The following IQGAP1 variants were observed in gnomAD, a reference collection of about 807,000 sequenced individuals.
IQGAP1 encodes the protein IQ motif containing GTPase activating protein 1.
Under a neutral mutation model 215.6 loss-of-function variants are expected in IQGAP1, and 66 were observed. The observed-to-expected ratio is 0.31, with a 90% CI of 0.25 to 0.38. The LOEUF is 0.38. IQGAP1 is among the 10% of genes least tolerant of loss of function. The pLI, the probability that IQGAP1 is intolerant of heterozygous loss-of-function variation, is 1.00. For synonymous variants in IQGAP1, 772 were observed against 728.7 expected, an observed-to-expected ratio of 1.06 and a Z score of -0.96; for missense variants, 1,712 against 1,997.1, an observed-to-expected ratio of 0.86 and a Z score of 2.72.
rs1325909392 is a variant in IQGAP1, at chr15:90,467,483, T to C, written c.2069T>C (p.Val690Ala). The change falls in exon 18 of 38, where the codon GTA becomes GCA. Residue 690 changes from valine to alanine, a missense_variant. By Grantham distance (64) the Val-to-Ala change is moderately conservative (BLOSUM62 0). Around this residue, in one of 2 missense-constraint regions of IQGAP1, gnomAD observed 1,021 missense variants for 1,074.2 expected, o/e 0.95. Coordinates refer to ENST00000268182, the MANE Select transcript of IQGAP1 (RefSeq NM_003870.4). Reference protein sequence around the residue: ...DNNSKWVKHWVKGGYYYYHNL... With the variant: ...DNNSKWVKHWAKGGYYYYHNL... The stretch of plus-strand genomic sequence containing the variant: ...AACAGCAAGTGGGTGAAGCACTGGG[T>C]AAAAGGTGGATATTATTATTACCAC... The C allele has an allele frequency of 1.2e-6, 2 of 1,612,762 alleles. No homozygotes were observed. The highest frequency in any genetic ancestry group is 2.2e-5 in the South Asian group (2 of 90,844).
intron 26 of IQGAP1, among the ~76,000 whole-genome samples, chr15:90,480,645 G>T (rs1400727328): frequency 1.3e-5 from 2 of 152,074 alleles, no homozygotes; most frequent in Non-Finnish European, 2.9e-5. Flanking sequence ...ATGAAGAGGG[G>T]TATCCCTATC....
chr15:90,394,805 T>TCTC (rs10646600), intron 2 of IQGAP1, among the ~76,000 whole-genome samples: 85,989 of 151,758 alleles, frequency 0.57, 25,854 homozygotes, highest in East Asian at 0.82. Context: ...TACCTCTACT[T>TCTC]CTACTAAAAG....
At chr15:90,456,599 G>T (rs1206064436) in intron 15 of IQGAP1, among the ~76,000 whole-genome samples, 3 of 151,754 alleles carry the variant, frequency 2.0e-5, no homozygotes, top group African/African-American at 7.3e-5. Flanking sequence ...AGGGCTGGGC[G>T]CAGTGGCTCA....
intron 3 of IQGAP1, 116 bp from the exon 4 acceptor site, chr15:90,429,473 C>A: frequency 1.5e-6 from 1 of 688,560 alleles, no homozygotes; most frequent in Non-Finnish European, 2.3e-6. Context: ...AGCATAATGA[C>A]ATCAAAATTA....
At chr15:90,497,704 T>G (rs559246205) in intron 37 of IQGAP1, among the ~76,000 whole-genome samples, 3 of 152,342 alleles carry the variant, frequency 2.0e-5, no homozygotes, top group Non-Finnish European at 1.5e-5. Context: ...TTGATATAGG[T>G]ACTTAAAAGT....
chr15:90,466,372 C>T lies in IQGAP1; in HGVS notation c.1971C>T (p.Ile657=). 1 of 1,614,090 alleles carries T rather than the reference C, an allele frequency of 6.2e-7. No homozygotes were observed. ...RSPDVGLYGV[I]PECGETYHSD... is the part of the protein sequence containing the mutation. ...CTGATGTTGGCTTGTATGGAGTCAT[C>T]CCTGAGTGTGGTGAAACTTACCACA... Residue 657 remains isoleucine, a synonymous_variant, in exon 17 of 38, where the codon ATC becomes ATT. Coordinates refer to ENST00000268182, the MANE Select transcript of IQGAP1 (RefSeq NM_003870.4).
chr15:90,445,788 A>AT (rs1244071273), intron 9 of IQGAP1, among the ~76,000 whole-genome samples: 11 of 151,498 alleles, frequency 7.3e-5, no homozygotes, highest in African/African-American at 2.4e-4. Flanking sequence ...GATTTAGAAG[A>AT]TTTTACCAAT....
chr15:90,467,949 T>G (rs1324767510), intron 18 of IQGAP1, among the ~76,000 whole-genome samples: 1 of 152,252 alleles, frequency 6.6e-6, no homozygotes, highest in Non-Finnish European at 1.5e-5. Flanking sequence ...AGCTACAACC[T>G]GCACTTTCAA....
chr15:90,394,397 C>G (rs1425066733), intron 2 of IQGAP1, among the ~76,000 whole-genome samples: 1 of 151,914 alleles, frequency 6.6e-6, no homozygotes, highest in Non-Finnish European at 1.5e-5. Context: ...CTAGAGAGGA[C>G]AAAGGAAAGA....
intron 2 of IQGAP1, among the ~76,000 whole-genome samples, chr15:90,395,998 T>A (rs1964713566): frequency 6.6e-6 from 1 of 152,168 alleles, no homozygotes; most frequent in Admixed American, 6.5e-5. Context: ...GGCACACCCC[T>A]CTTGTAGAAG....
At chr15:90,410,289 G>C (rs1443278452) in intron 2 of IQGAP1, among the ~76,000 whole-genome samples, 1 of 152,140 alleles carries the variant, frequency 6.6e-6, no homozygotes, top group African/African-American at 2.4e-5. Context: ...AATTCCTCAA[G>C]GATCTAGAAC....
chr15:90,477,490 T>C (rs1036886603), intron 25 of IQGAP1, among the ~76,000 whole-genome samples, 175 bp from the exon 26 acceptor site: 1 of 151,626 alleles, frequency 6.6e-6, no homozygotes, highest in Non-Finnish European at 1.5e-5. Flanking sequence ...CATTTTTATC[T>C]AGTAGCGGAC....
chr15:90,435,731 T>A (rs1308384582), intron 5 of IQGAP1, among the ~76,000 whole-genome samples: 1 of 152,226 alleles, frequency 6.6e-6, no homozygotes, highest in Non-Finnish European at 1.5e-5. Context: ...AACTATGCCT[T>A]CCTAGTGGTA....
intron 13 of IQGAP1, among the ~76,000 whole-genome samples, 178 bp from the exon 14 acceptor site, chr15:90,454,250 A>C (rs1328221090): frequency 1.3e-5 from 2 of 152,244 alleles, no homozygotes; most frequent in Non-Finnish European, 2.9e-5. Context: ...AATATGTAAC[A>C]GGATATTGAG....
intron 18 of IQGAP1, among the ~76,000 whole-genome samples, chr15:90,470,034 CTTA>C (rs943322675): frequency 6.6e-6 from 1 of 152,098 alleles, no homozygotes; most frequent in Non-Finnish European, 1.5e-5. Context: ...CTTTGAGAAT[CTTA>C]TTAACCTCCA....
At chr15:90,476,494 C>G (rs900347350) in intron 23 of IQGAP1, among the ~76,000 whole-genome samples, 169 bp from the exon 24 acceptor site, 4 of 152,186 alleles carry the variant, frequency 2.6e-5, no homozygotes, top group African/African-American at 7.2e-5. Flanking sequence ...ATGGATTTGA[C>G]TGGTGTACTG....
chr15:90,401,741 C>T (rs1964807842), intron 2 of IQGAP1, among the ~76,000 whole-genome samples: 1 of 152,204 alleles, frequency 6.6e-6, no homozygotes, highest in African/African-American at 2.4e-5. Flanking sequence ...ATCCAGATTT[C>T]AGGTTTGGCA....
chr15:90,425,341 C>T (rs749500099), intron 2 of IQGAP1, among the ~76,000 whole-genome samples: 8 of 151,922 alleles, frequency 5.3e-5, no homozygotes, highest in African/African-American at 1.2e-4. Flanking sequence ...AAAAAAAAAC[C>T]ATTGCCATAA....
intron 2 of IQGAP1, among the ~76,000 whole-genome samples, chr15:90,410,403 A>G (rs1432889677): frequency 6.6e-6 from 1 of 152,328 alleles, no homozygotes; most frequent in South Asian, 2.1e-4. Flanking sequence ...TTACTGCGGC[A>G]CTATTCATGA....
Sources: allele counts gnomAD v4.1 joint callset (sites outside exome capture counted in the v4.1 genomes callset), GRCh38; gene constraint gnomAD v4.1.1; regional missense constraint gnomAD v4.1.1; transcripts MANE v1.5; gene names NCBI Gene and HGNC (gene_info 2026-07-23, HGNC 2026-07-21).